Variants in HNRNPAB observed in about 807,000 individuals in gnomAD.
The protein encoded by HNRNPAB is heterogeneous nuclear ribonucleoprotein A/B.
In HNRNPAB, 17 loss-of-function variants were observed where a neutral mutation model predicts 44.1. The ratio of observed to expected loss-of-function variants is 0.39; its 90% CI spans 0.26 to 0.58. The LOEUF is 0.58. HNRNPAB is among the 20% of genes least tolerant of loss of function. HNRNPAB has a pLI of 0.63. For synonymous variants in HNRNPAB, 183 were observed against 167.6 expected (o/e 1.09, Z -0.71); for missense variants, 393 against 432.7 (o/e 0.91, Z 0.81).
chr5:178,206,769 T>TC lies in HNRNPAB; in HGVS notation c.417dup (p.Ile140HisfsTer2). On this transcript the variant is annotated frameshift_variant, in exon 4 of 8. Coordinates refer to ENST00000358344, the MANE Select transcript of HNRNPAB (RefSeq NM_031266.3). LOFTEE classifies it high-confidence loss of function. ...AAGGAGCACAGGCTGGATGGCCGTGTCATTGACCCTAAAAAGGCCATGGCT... is the reference window on the plus strand; with the variant it reads ...AAGGAGCACAGGCTGGATGGCCGTGTCCATTGACCCTAAAAAGGCCATGGCT... 2 of 1,614,130 alleles carry TC rather than the reference T, an allele frequency of 1.2e-6. No individual in the cohort carries two copies. The highest frequency in any genetic ancestry group is 1.7e-6 in the Non-Finnish European group (2 of 1,180,032).
chr5:178,210,679 G>C lies in HNRNPAB; in HGVS notation c.*56G>C. ...CACATGCTTTGTTTGGATATGGAGTGAACACAATTATGTACCAAATTTAAC... is the reference window on the plus strand; with the variant it reads ...CACATGCTTTGTTTGGATATGGAGTCAACACAATTATGTACCAAATTTAAC... On this transcript the variant is annotated 3_prime_UTR_variant, in exon 8 of 8. Coordinates refer to ENST00000358344, the MANE Select transcript of HNRNPAB (RefSeq NM_031266.3). 1 of 1,362,638 alleles carries C rather than the reference G, an allele frequency of 7.3e-7. No homozygotes were observed. Among genetic ancestry groups the C allele is most frequent in the Non-Finnish European group, 1.1e-6 (1 of 952,316 alleles). The allele number at this position is 1,362,638 out of a possible 1,614,324, so 84.4% of individuals were successfully genotyped here. A position where few individuals can be genotyped will look rare whatever the true frequency, so the allele number is the denominator to read the frequency against.
rs1192043619 is a variant in HNRNPAB, at chr5:178,206,868, A to C, written c.515A>C (p.Glu172Ala). ...NPEATEEKIREYFGEFGEIEA... is the reference protein window; with the variant it reads ...NPEATEEKIRAYFGEFGEIEA... ...GAAGCCACTGAGGAAAAGATCAGGGAGTACTTTGGCGAGTTTGGGGAGGTG... is the reference window on the plus strand; with the variant it reads ...GAAGCCACTGAGGAAAAGATCAGGGCGTACTTTGGCGAGTTTGGGGAGGTG... The change falls in exon 4 of 8, where the codon GAG becomes GCG. Residue 172 changes from glutamate to alanine, a missense_variant. This residue lies in a region of HNRNPAB where 102 missense variants were observed against 162.3 expected (regional missense o/e 0.63). Coordinates refer to ENST00000358344, the MANE Select transcript of HNRNPAB (RefSeq NM_031266.3). 6.2e-7 allele frequency: 1 copy of C among 1,614,046 alleles called. No homozygotes were observed. Among genetic ancestry groups the C allele is most frequent in the Non-Finnish European group, 8.5e-7 (1 of 1,180,042 alleles).
intron 2 of HNRNPAB, 31 bp from the exon 3 acceptor site, chr5:178,205,811 T>C (rs772173521): frequency 3.7e-6 from 6 of 1,600,732 alleles, no homozygotes; most frequent in Non-Finnish European, 5.1e-6. Flanking sequence ...TTACAAGACT[T>C]GTTGCCGTGT....
At chr5:178,208,393 G>T (rs749553193) in intron 5 of HNRNPAB, 3 of 152,190 alleles carry the variant, frequency 2.0e-5, no homozygotes, top group Non-Finnish European at 2.9e-5. Flanking sequence ...AGTGATAGAG[G>T]CCTTTTTCTC....
intron 7 of HNRNPAB, 86 bp from the exon 8 acceptor site, chr5:178,210,467 G>A (rs546444884): frequency 6.7e-7 from 1 of 1,499,630 alleles, no homozygotes; most frequent in East Asian, 2.3e-5. Flanking sequence ...CACGGCTGGT[G>A]AGGGTCCTGG....
rs747127334 is a variant in HNRNPAB, at chr5:178,210,230, T to C, written c.886T>C (p.Ser296Pro). The change falls in exon 7 of 8, where the codon TCG (serine) becomes CCG (proline). Residue 296 changes from serine to proline, a missense_variant. Transcript: ENST00000358344. ...YGPGYGGYDY[S>P]PYGYYGYGPG... ...GCCTGGCTATGGCGGCTACGACTAC[T>C]CGCCCTATGGCTATTACGGCTACGG... is the stretch of plus-strand genomic sequence containing the variant. The C allele has an allele frequency of 6.2e-7, 1 of 1,613,324 alleles. No individual in the cohort carries two copies. Among genetic ancestry groups the C allele is most frequent in the African/African-American group, 1.3e-5 (1 of 74,924 alleles).
chr5:178,210,493 G>A (rs938319050), intron 7 of HNRNPAB, 60 bp from the exon 8 acceptor site: 1 of 1,545,214 alleles, frequency 6.5e-7, no homozygotes, highest in Non-Finnish European at 8.9e-7. Context: ...TGCATATCAA[G>A]CGCGTGGCAC....
chr5:178,207,334 C>CTT, intron 5 of HNRNPAB, 109 bp downstream of exon 5: 3 of 1,322,520 alleles, frequency 2.3e-6, no homozygotes, highest in Non-Finnish European at 3.1e-6. Flanking sequence ...GTTGGTCAGA[C>CTT]TTTACTATTT....
chr5:178,209,712 G>A (rs1448935965), intron 6 of HNRNPAB, among the ~76,000 whole-genome samples: 1 of 152,066 alleles, frequency 6.6e-6, no homozygotes, highest in Non-Finnish European at 1.5e-5. Context: ...TGGGTGTCTT[G>A]GCTTTGTGGA....
In HNRNPAB at chr5:178,207,206, A is replaced by G. The variant is rs1184098408; in HGVS notation, c.650A>G (p.His217Arg). 1.2e-6 allele frequency: 2 copies of G among 1,614,200 alleles called. No individual in the cohort carries two copies. The highest frequency in any genetic ancestry group is 3.3e-5 in the Admixed American group (2 of 60,022). The change falls in exon 5 of 8, where the codon CAT becomes CGT. Residue 217 changes from histidine to arginine, a missense_variant. Around this residue, in one of 3 missense-constraint regions of HNRNPAB, gnomAD observed 210 missense variants for 196.9 expected, o/e 1.07. Coordinates refer to ENST00000358344, the MANE Select transcript of HNRNPAB (RefSeq NM_031266.3). ...AAGAAGGTTCTGGAGAAAAAGTTCCATACTGTCAGTGGAAGCAAGGTAAGG... is the reference window on the plus strand; with the variant it reads ...AAGAAGGTTCTGGAGAAAAAGTTCCGTACTGTCAGTGGAAGCAAGGTAAGG... Reference protein sequence around the residue: ...PVKKVLEKKFHTVSGSKCEIK... With the variant: ...PVKKVLEKKFRTVSGSKCEIK...
Position 178,207,039 on chromosome 5 carries a change from T to C in HNRNPAB, c.538-55T>C, listed in dbSNP as rs1177761466. 8 of 1,607,350 alleles carry C rather than the reference T, an allele frequency of 5.0e-6. 1 individual carries two copies. Among genetic ancestry groups the C allele is most frequent in the Non-Finnish European group, 6.0e-6 (7 of 1,176,256 alleles). ...GGGGTCTTTTCTCCTGTGAGTCCCC[T>C]ATATGCTCTGGGGTAGGGAGGTATT... On this transcript the variant is annotated intron_variant, in intron 4 of 7. Coordinates refer to ENST00000358344, the MANE Select transcript of HNRNPAB (RefSeq NM_031266.3).
At chr5:178,207,346 T>C (rs1161881766) in intron 5 of HNRNPAB, 121 bp downstream of exon 5, 13 of 1,195,352 alleles carry the variant, frequency 1.1e-5, no homozygotes, top group South Asian at 2.9e-5. Context: ...TTACTATTTC[T>C]CTGAAGCGTA....
chr5:178,210,522 T>A (rs745307876), intron 7 of HNRNPAB, 31 bp from the exon 8 acceptor site: 7 of 1,606,164 alleles, frequency 4.4e-6, no homozygotes, highest in Non-Finnish European at 6.0e-6. Flanking sequence ...TGCTTGTAAA[T>A]AGTAGCTGCT....
rs754835605 is a variant in HNRNPAB at position 178,207,230 on chromosome 5, GGTGTTCCCAGCTCTGCTTGGCCTCCT to G, written c.669+9_669+34del. On this transcript the variant is annotated splice_donor_region_variant and intron_variant, in intron 5 of 7. Coordinates refer to ENST00000358344, the MANE Select transcript of HNRNPAB (RefSeq NM_031266.3). Reference sequence around the variant, plus strand: ...CATACTGTCAGTGGAAGCAAGGTAAGGTGTTCCCAGCTCTGCTTGGCCTCCTGTGCTGCTGGAGAGCTGGCCCTTAG... The same window carrying G: ...CATACTGTCAGTGGAAGCAAGGTAAGGTGCTGCTGGAGAGCTGGCCCTTAG... The G allele has an allele frequency of 6.8e-5, 109 of 1,614,054 alleles. 1 individual carries two copies. In the South Asian group the frequency reaches 1.0e-3, roughly 15 times the overall value.
At chr5:178,206,215 T>G (rs542717738) in intron 3 of HNRNPAB, among the ~76,000 whole-genome samples, 32 of 152,346 alleles carry the variant, frequency 2.1e-4, no homozygotes, top group African/African-American at 6.7e-4. Context: ...CTGGAGTGGT[T>G]CGGGAAGATG....
chr5:178,210,351 G>C, intron 7 of HNRNPAB, 79 bp downstream of exon 7: 1 of 1,601,602 alleles, frequency 6.2e-7, no homozygotes, highest in Non-Finnish European at 8.5e-7. Flanking sequence ...GCCACTGGCA[G>C]CAGGGGCTTT....
At chr5:178,208,555 T>C (rs957719121) in intron 5 of HNRNPAB, 1 of 152,252 alleles carries the variant, frequency 6.6e-6, no homozygotes, top group African/African-American at 2.4e-5. Context: ...TGCATTATTT[T>C]AATTTGCCAA....
intron 5 of HNRNPAB, among the ~76,000 whole-genome samples, chr5:178,209,113 A>G (rs1446233114): frequency 6.6e-6 from 1 of 152,192 alleles, no homozygotes; most frequent in Non-Finnish European, 1.5e-5. Flanking sequence ...GCCCATCTCA[A>G]GTGCATTCTG....
At chr5:178,205,703 T>C in intron 2 of HNRNPAB, 139 bp from the exon 3 acceptor site, 1 of 747,674 alleles carries the variant, frequency 1.3e-6, no homozygotes. Flanking sequence ...TAGTGGAGAT[T>C]TAACATCTTT....
Sources: allele counts gnomAD v4.1 joint callset (sites outside exome capture counted in the v4.1 genomes callset), GRCh38; gene constraint gnomAD v4.1.1; regional missense constraint gnomAD v4.1.1; transcripts MANE v1.5; gene names NCBI Gene and HGNC (gene_info 2026-07-23, HGNC 2026-07-21).